The following KATNAL1 variants were observed in gnomAD, a reference collection of about 807,000 sequenced individuals.
The protein encoded by KATNAL1 is katanin catalytic subunit A1 like 1, also known as katanin p60 ATPase-containing subunit A-like 1.
Under a neutral mutation model 55.2 loss-of-function variants are expected in KATNAL1, and 32 were observed. That is an observed-to-expected ratio of 0.58 (90% CI 0.44 to 0.78). The LOEUF (loss-of-function observed/expected upper bound fraction) is 0.78. Among genes scored for constraint, KATNAL1 ranks in the 30% least tolerant of loss-of-function variants. KATNAL1 has a pLI of 0.00. For missense variants in KATNAL1, 466 were observed against 600.9 expected, an observed-to-expected ratio of 0.78 and a Z score of 2.35; for synonymous variants, 193 against 193.6, an observed-to-expected ratio of 1.00 and a Z score of 0.02.
intron 4 of KATNAL1, among the ~76,000 whole-genome samples, chr13:30,249,223 AT>A (rs965156727): frequency 7.2e-5 from 11 of 151,846 alleles, no homozygotes; most frequent in Admixed American, 3.9e-4. Flanking sequence ...CAAGAGCGAA[AT>A]TCTGTCTCAA....
chr13:30,286,792 G>C (rs932757145), intron 1 of KATNAL1, among the ~76,000 whole-genome samples: 2 of 152,162 alleles, frequency 1.3e-5, no homozygotes, highest in Non-Finnish European at 2.9e-5. Context: ...CCAGAAGGTG[G>C]GGATGTACCC....
chr13:30,234,568 T>G lies in KATNAL1; in HGVS notation c.727-3096A>C, dbSNP rs1876463086. Among the ~76,000 whole-genome samples the G allele has an allele frequency of 2.0e-5, 3 of 152,154 alleles. No homozygotes were observed. In the South Asian group the frequency reaches 6.2e-4, roughly 32 times the overall value. ...TCTCCTCTTTCCTCTGCCCTTTATATTCCCAAAGCAATTCTAAACCTTTCC... is the reference window on the plus strand; with the variant it reads ...TCTCCTCTTTCCTCTGCCCTTTATAGTCCCAAAGCAATTCTAAACCTTTCC... On this transcript the variant is annotated intron_variant, in intron 6 of 10. Coordinates refer to ENST00000380615, the MANE Select transcript of KATNAL1 (RefSeq NM_032116.5).
At chr13:30,256,753 T>C (rs1216106893) in intron 3 of KATNAL1, among the ~76,000 whole-genome samples, 1 of 152,232 alleles carries the variant, frequency 6.6e-6, no homozygotes, top group Non-Finnish European at 1.5e-5. Flanking sequence ...TACAGCATAT[T>C]TAGATGTTGG....
intron 4 of KATNAL1, among the ~76,000 whole-genome samples, chr13:30,250,979 G>A (rs140884037): frequency 0.035 from 5,259 of 151,844 alleles, 104 homozygotes; most frequent in African/African-American, 0.051. Context: ...TCTACTAAAA[G>A]TACAAAAAAA....
At chr13:30,277,864 T>C (rs1051142509) in intron 3 of KATNAL1, among the ~76,000 whole-genome samples, 1 of 150,220 alleles carries the variant, frequency 6.7e-6, no homozygotes, top group Non-Finnish European at 1.5e-5. Flanking sequence ...GCGCCTGTAG[T>C]CCCAGCTACT....
intron 3 of KATNAL1, among the ~76,000 whole-genome samples, chr13:30,269,615 T>C (rs1353659529): frequency 6.7e-6 from 1 of 148,366 alleles, no homozygotes; most frequent in African/African-American, 2.5e-5. Context: ...CCATCCCATC[T>C]AGGAAGTGAG....
intron 1 of KATNAL1, among the ~76,000 whole-genome samples, chr13:30,287,965 T>C (rs1593177467): frequency 6.6e-6 from 1 of 152,178 alleles, no homozygotes; most frequent in Non-Finnish European, 1.5e-5. Flanking sequence ...TTCTTATCGA[T>C]GCAATTCAAA....
intron 3 of KATNAL1, among the ~76,000 whole-genome samples, chr13:30,274,907 G>GCACACACACACACACACA (rs368435407): frequency 9.5e-6 from 1 of 105,390 alleles, no homozygotes; most frequent in Non-Finnish European, 1.9e-5. Context: ...GCGCGCGCGC[G>GCACACACACACACACACA]CACACACACA....
intron 3 of KATNAL1, among the ~76,000 whole-genome samples, chr13:30,274,355 A>G (rs1265543152): frequency 1.3e-5 from 2 of 152,204 alleles, no homozygotes; most frequent in Non-Finnish European, 2.9e-5. Flanking sequence ...CCAAAGAAAC[A>G]TAAGACAACA....
chr13:30,221,640 A>C (rs544856431), intron 9 of KATNAL1, among the ~76,000 whole-genome samples: 5 of 152,354 alleles, frequency 3.3e-5, no homozygotes, highest in Non-Finnish European at 7.3e-5. Flanking sequence ...ATTATCCTCA[A>C]AGTTTCTGTG....
At chr13:30,259,855 C>T (rs1249102953) in intron 3 of KATNAL1, among the ~76,000 whole-genome samples, 1 of 152,236 alleles carries the variant, frequency 6.6e-6, no homozygotes. Context: ...GAAGCTCGAA[C>T]TGGGTGGAGC....
chr13:30,210,518 T>C, intron 9 of KATNAL1, 76 bp from the exon 10 acceptor site: 1 of 1,406,030 alleles, frequency 7.1e-7, no homozygotes, highest in Non-Finnish European at 9.7e-7. Context: ...CATATTAACA[T>C]TTGGGGGAAA....
At chr13:30,216,031 C>A (rs993471224) in intron 9 of KATNAL1, among the ~76,000 whole-genome samples, 20 of 152,202 alleles carry the variant, frequency 1.3e-4, no homozygotes, top group Admixed American at 9.8e-4. Context: ...CAGAATACCA[C>A]ACAGTAACAA....
chr13:30,220,152 C>T (rs1326887820), intron 9 of KATNAL1, among the ~76,000 whole-genome samples: 1 of 152,134 alleles, frequency 6.6e-6, no homozygotes, highest in Non-Finnish European at 1.5e-5. Context: ...ATATCATACA[C>T]ATATTTTGTT....
At chr13:30,283,585 T>A (rs764667995) in intron 2 of KATNAL1, 31 bp downstream of exon 2, 1 of 1,605,454 alleles carries the variant, frequency 6.2e-7, no homozygotes, top group Non-Finnish European at 8.5e-7. Context: ...ACTGCCATCC[T>A]AACTCATCTA....
Position 30,241,090 on chromosome 13 carries a change from G to A in KATNAL1, c.493-4C>T, listed in dbSNP as rs186809381. The A allele has an allele frequency of 6.2e-7, 1 of 1,610,206 alleles. No individual in the cohort carries two copies. Among genetic ancestry groups the A allele is most frequent in the Non-Finnish European group, 8.5e-7 (1 of 1,179,044 alleles). On this transcript the variant is annotated splice_polypyrimidine_tract_variant and splice_region_variant and intron_variant, in intron 4 of 10. Coordinates refer to ENST00000380615, the MANE Select transcript of KATNAL1 (RefSeq NM_032116.5). ...CATCTTGCATATTCTTCCTTCCCTG[G>A]GGATAGGTATAAAAAAAAAGTACTA... is the stretch of plus-strand genomic sequence containing the variant.
intron 1 of KATNAL1, among the ~76,000 whole-genome samples, chr13:30,304,560 G>C (rs1399616777): frequency 6.6e-6 from 1 of 152,042 alleles, no homozygotes; most frequent in African/African-American, 2.4e-5. Context: ...GAGCCACTGC[G>C]CCCGGCCTAC....
chr13:30,258,737 G>A (rs1878992801), intron 3 of KATNAL1, among the ~76,000 whole-genome samples: 1 of 151,902 alleles, frequency 6.6e-6, no homozygotes, highest in South Asian at 2.1e-4. Flanking sequence ...TGTACGACGT[G>A]AGGTGGGGAA....
chr13:30,302,952 G>C (rs2137575532), intron 1 of KATNAL1, among the ~76,000 whole-genome samples: 1 of 152,286 alleles, frequency 6.6e-6, no homozygotes, highest in East Asian at 1.9e-4. Flanking sequence ...CAGCAACTAA[G>C]CATTAAATTC....
Sources: gnomAD v4.1 joint callset for allele counts (sites outside exome capture counted in the v4.1 genomes callset) on GRCh38, gnomAD v4.1.1 for gene constraint, MANE v1.5 for transcripts, NCBI Gene and HGNC (gene_info 2026-07-23, HGNC 2026-07-21) for gene names.